ATP11A: variants seen among roughly 807,000 people sequenced by gnomAD.
ATP11A encodes phospholipid-transporting ATPase IH.
A neutral mutation model predicts 154.4 loss-of-function variants in ATP11A; 81 were observed. The ratio of observed to expected loss-of-function variants is 0.52; its 90% confidence interval spans 0.44 to 0.63. The LOEUF is 0.63. Ranked by LOEUF, ATP11A falls within the 30% of genes least tolerant of loss-of-function variation. The pLI, the probability that ATP11A is intolerant of heterozygous loss-of-function variation, is 0.00. For missense variants in ATP11A, 1,316 were observed against 1,474.3 expected, an observed-to-expected ratio of 0.89 and a Z score of 1.76; for synonymous variants, 623 against 585.9, an observed-to-expected ratio of 1.06 and a Z score of -0.91.
At chr13:112,779,995 C>G (rs1046765716) in intron 1 of ATP11A, among the ~76,000 whole-genome samples, 2 of 151,722 alleles carry the variant, frequency 1.3e-5, no homozygotes, top group Non-Finnish European at 2.9e-5. Context: ...CAAAGGCAAG[C>G]TGAAAATCAG....
chr13:112,747,519 T>TACA (rs1892304718), intron 1 of ATP11A: 1 of 152,262 alleles, frequency 6.6e-6, no homozygotes, highest in Non-Finnish European at 1.5e-5. Flanking sequence ...ATAGCCCTAC[T>TACA]GTAGCTTTTT....
chr13:112,748,143 A>T (rs1458549797), intron 1 of ATP11A, among the ~76,000 whole-genome samples: 1 of 152,218 alleles, frequency 6.6e-6, no homozygotes, highest in Non-Finnish European at 1.5e-5. Context: ...TTTGGGTCTC[A>T]TCACAAGGTA....
chr13:112,827,053 G>T (rs1304311994), intron 12 of ATP11A, among the ~76,000 whole-genome samples, 162 bp downstream of exon 12: 3 of 152,184 alleles, frequency 2.0e-5, no homozygotes, highest in Admixed American at 6.5e-5. Context: ...ACAGTCAGCC[G>T]TGCTGTTACA....
intron 17 of ATP11A, among the ~76,000 whole-genome samples, chr13:112,843,115 C>G (rs2079473033): frequency 6.7e-6 from 1 of 149,600 alleles, no homozygotes; most frequent in Non-Finnish European, 1.5e-5. Flanking sequence ...CGCCGAGCGA[C>G]GCATGGTTGG....
chr13:112,816,054 T>A (rs1278047074), intron 5 of ATP11A, 29 bp from the exon 6 acceptor site: 1 of 1,613,350 alleles, frequency 6.2e-7, no homozygotes, highest in African/African-American at 1.3e-5. Flanking sequence ...GGGCTTTCCA[T>A]TGACCATCCT....
At chr13:112,730,992 G>GTGGCGCGATCTCTGCTCATT (rs1272967544) in intron 1 of ATP11A, among the ~76,000 whole-genome samples, 2 of 152,246 alleles carry the variant, frequency 1.3e-5, no homozygotes, top group South Asian at 4.1e-4. Flanking sequence ...CTGGAGTGCT[G>GTGGCGCGATCTCTGCTCATT]TGGCGCGATC....
chr13:112,816,159 A>G lies in ATP11A; in HGVS notation c.518A>G (p.Asp173Gly), dbSNP rs1193579672. 6.2e-7 allele frequency: 1 copy of G among 1,614,040 alleles called. No homozygotes were observed. ...DLIFLSSNRG[D>G]GTCHVTTASL... is the part of the protein sequence containing the mutation. Reference sequence around the variant, plus strand: ...ATCTTCCTTTCCAGCAACCGGGGAGATGGGACGTGCCACGTCACCACCGCC... The same window carrying G: ...ATCTTCCTTTCCAGCAACCGGGGAGGTGGGACGTGCCACGTCACCACCGCC... Residue 173 changes from aspartate to glycine, a missense_variant, in exon 6 of 30, where the codon GAT becomes GGT. Coordinates refer to ENST00000375645, the MANE Select transcript of ATP11A (RefSeq NM_015205.3).
intron 24 of ATP11A, among the ~76,000 whole-genome samples, chr13:112,861,021 C>T (rs2080086040): frequency 6.6e-6 from 1 of 152,126 alleles, no homozygotes; most frequent in African/African-American, 2.4e-5. Context: ...ACTCACAGTT[C>T]CACATGGCTG....
At position 112,882,174 on chromosome 13, in the gene ATP11A, G is replaced by A; in HGVS notation, c.*308G>A. 1 of 1,266,702 alleles carries A rather than the reference G, an allele frequency of 7.9e-7. No homozygotes were observed. Among genetic ancestry groups the A allele is most frequent in the South Asian group, 1.3e-5 (1 of 77,168 alleles). The allele number at this position is 1,266,702 out of a possible 1,614,324, so 78.5% of individuals were successfully genotyped here. On this transcript the variant is annotated 3_prime_UTR_variant, in exon 30 of 30. Transcript: ENST00000375645. The surrounding 1 kb of genome is among the most constrained non-coding windows in gnomAD (Gnocchi z 5.1). ...TCGAGCATGGCACCCTGGCCGCCTGGACCCAGCACTGTGGTTGTTGAGCCA... is the reference window on the plus strand; with the variant it reads ...TCGAGCATGGCACCCTGGCCGCCTGAACCCAGCACTGTGGTTGTTGAGCCA...
At chr13:112,860,974 G>A (rs1566584507) in intron 24 of ATP11A, among the ~76,000 whole-genome samples, 3 of 152,136 alleles carry the variant, frequency 2.0e-5, no homozygotes, top group Non-Finnish European at 4.4e-5. Flanking sequence ...AGACATACCT[G>A]AGACTGGGTA....
At chr13:112,761,138 G>T (rs1566440630) in intron 1 of ATP11A, among the ~76,000 whole-genome samples, 1 of 152,092 alleles carries the variant, frequency 6.6e-6, no homozygotes, top group Non-Finnish European at 1.5e-5. Context: ...TGGCCTCTCG[G>T]TTATCAGATC....
chr13:112,723,914 G>A (rs1005365886), intron 1 of ATP11A, among the ~76,000 whole-genome samples: 3 of 152,118 alleles, frequency 2.0e-5, no homozygotes, highest in Non-Finnish European at 2.9e-5. Context: ...TCCCGGGAAC[G>A]CTCGTGTCAC....
At chr13:112,864,937 C>T (rs1198420664) in intron 25 of ATP11A, among the ~76,000 whole-genome samples, 1 of 46,090 alleles carries the variant, frequency 2.2e-5, no homozygotes, top group Non-Finnish European at 5.4e-5. Context: ...TAATTCAGTG[C>T]GGCCCATGCA....
chr13:112,867,534 C>T (rs2080375834), intron 25 of ATP11A, among the ~76,000 whole-genome samples: 1 of 152,214 alleles, frequency 6.6e-6, no homozygotes, highest in Non-Finnish European at 1.5e-5. Flanking sequence ...GCCTTCCTGG[C>T]AGGGTCTCTG....
At chr13:112,718,904 G>C (rs1268993449) in intron 1 of ATP11A, among the ~76,000 whole-genome samples, 1 of 152,024 alleles carries the variant, frequency 6.6e-6, no homozygotes, top group African/African-American at 2.4e-5. Flanking sequence ...GGTCTCGAAC[G>C]TCTGACCTCC....
chr13:112,845,426 G>T (rs1289304175), intron 17 of ATP11A, among the ~76,000 whole-genome samples: 1 of 108,292 alleles, frequency 9.2e-6, no homozygotes, highest in East Asian at 3.0e-4. Context: ...CCAGGCACTA[G>T]TGGTTCTAAC....
chr13:112,826,150 C>T (rs539499267), intron 11 of ATP11A, among the ~76,000 whole-genome samples: 9 of 152,160 alleles, frequency 5.9e-5, no homozygotes, highest in Non-Finnish European at 8.8e-5. Flanking sequence ...GACCCATATC[C>T]ACTGAGCCTG....
intron 1 of ATP11A, chr13:112,745,715 G>A (rs1594516660): frequency 6.6e-6 from 1 of 152,168 alleles, no homozygotes; most frequent in East Asian, 1.9e-4. Context: ...GGAGCGGTGA[G>A]AGGCAGGACC....
At chr13:112,744,579 C>T (rs1238021586) in intron 1 of ATP11A, among the ~76,000 whole-genome samples, 1 of 152,230 alleles carries the variant, frequency 6.6e-6, no homozygotes, top group African/African-American at 2.4e-5. Context: ...GCCCTCTGCT[C>T]ACCACCTGCC....
Sources: allele counts gnomAD v4.1 joint callset (sites outside exome capture counted in the v4.1 genomes callset), GRCh38; gene constraint gnomAD v4.1.1; non-coding constraint Gnocchi (gnomAD v3.1); transcripts MANE v1.5; gene names NCBI Gene and HGNC (gene_info 2026-07-23, HGNC 2026-07-21).